Variants in STPG2 observed in about 807,000 individuals in gnomAD.
STPG2 encodes sperm-tail PG-rich repeat-containing protein 2.
A neutral mutation model predicts 54.2 loss-of-function variants in STPG2; 56 were observed. The ratio of observed to expected loss-of-function variants is 1.03; its 90% confidence interval spans 0.83 to 1.29. The LOEUF (loss-of-function observed/expected upper bound fraction) is 1.29, where lower values mean the gene tolerates loss of function less well. Among genes scored for constraint, STPG2 ranks in the 50% most tolerant of loss-of-function variants. STPG2 has a pLI of 0.00. For missense variants in STPG2, 596 were observed against 544.9 expected, an observed-to-expected ratio of 1.09 and a Z score of -0.93; for synonymous variants, 200 against 181.8, an observed-to-expected ratio of 1.10 and a Z score of -0.81.
At chr4:97,470,663 T>C (rs1170531762) in intron 4 of STPG2, among the ~76,000 whole-genome samples, 1 of 152,106 alleles carries the variant, frequency 6.6e-6, no homozygotes, top group Non-Finnish European at 1.5e-5. Context: ...TATAATGAAA[T>C]ACTGTAATAA....
intron 8 of STPG2, among the ~76,000 whole-genome samples, chr4:97,934,921 A>T (rs953554161): frequency 1.3e-5 from 2 of 152,206 alleles, no homozygotes; most frequent in African/African-American, 4.8e-5. Context: ...GAATTGTTTT[A>T]GAAGAAATGG....
At chr4:97,689,685 CTAAA>C (rs1177477822) in intron 10 of STPG2, among the ~76,000 whole-genome samples, 2 of 152,038 alleles carry the variant, frequency 1.3e-5, no homozygotes, top group Non-Finnish European at 2.9e-5. Flanking sequence ...TAGAAATGTT[CTAAA>C]TAAACTGTTC....
intron 10 of STPG2, among the ~76,000 whole-genome samples, chr4:97,672,034 T>C (rs1460704283): frequency 6.6e-6 from 1 of 152,010 alleles, no homozygotes; most frequent in Non-Finnish European, 1.5e-5. Flanking sequence ...CTATACTACA[T>C]GCCAGACACT....
At chr4:97,848,370 T>A (rs1030749058) in intron 8 of STPG2, among the ~76,000 whole-genome samples, 8 of 152,192 alleles carry the variant, frequency 5.3e-5, no homozygotes, top group Non-Finnish European at 4.4e-5. Flanking sequence ...AGCTGTCCGA[T>A]GAGAAGGAAG....
At chr4:97,621,633 T>C (rs1734013399) in intron 10 of STPG2, among the ~76,000 whole-genome samples, 1 of 152,066 alleles carries the variant, frequency 6.6e-6, no homozygotes, top group Non-Finnish European at 1.5e-5. Flanking sequence ...AAATCAGTAA[T>C]AAAAAGCCTA....
At chr4:98,093,081 G>A (rs919446216) in intron 5 of STPG2, among the ~76,000 whole-genome samples, 1 of 152,226 alleles carries the variant, frequency 6.6e-6, no homozygotes, top group Non-Finnish European at 1.5e-5. Flanking sequence ...CTAATACAAA[G>A]CTAACACAGC....
rs181444026 is a variant in STPG2, at chr4:98,010,903, A to G, written c.613-29585T>C. 1.5e-3 allele frequency among the ~76,000 whole-genome samples: 235 copies of G among 152,316 alleles called. 1 individual carries two copies. The highest frequency in any genetic ancestry group is 5.6e-3 in the African/African-American group (232 of 41,578). On this transcript the variant is annotated intron_variant, in intron 5 of 10. Coordinates refer to ENST00000295268, the MANE Select transcript of STPG2 (RefSeq NM_174952.3). ...AACTTCAACTGCATATAAAAATTCAATATTTTAAGTTATCCTACCCCCACA... is the reference window on the plus strand; with the variant it reads ...AACTTCAACTGCATATAAAAATTCAGTATTTTAAGTTATCCTACCCCCACA...
intron 9 of STPG2, among the ~76,000 whole-genome samples, chr4:97,830,928 A>G (rs749878570): frequency 6.6e-6 from 1 of 152,162 alleles, no homozygotes; most frequent in African/African-American, 2.4e-5. Context: ...ATAGTGGGAG[A>G]CTTTAACACC....
chr4:97,764,975 T>C (rs1199472042), intron 9 of STPG2, among the ~76,000 whole-genome samples: 2 of 152,130 alleles, frequency 1.3e-5, no homozygotes, highest in African/African-American at 4.8e-5. Context: ...AAGTTAGTTT[T>C]AATATCAATA....
At chr4:97,465,607 T>C (rs559296886) in intron 4 of STPG2, among the ~76,000 whole-genome samples, 2 of 152,236 alleles carry the variant, frequency 1.3e-5, no homozygotes, top group African/African-American at 4.8e-5. Flanking sequence ...GGAACCCCAG[T>C]GCATACCAAA....
At chr4:97,590,642 C>CTG (rs1733120479) in intron 10 of STPG2, among the ~76,000 whole-genome samples, 1 of 146,680 alleles carries the variant, frequency 6.8e-6, no homozygotes, top group African/African-American at 2.6e-5. Context: ...CACACAGACA[C>CTG]ACACACACAC....
intron 10 of STPG2, among the ~76,000 whole-genome samples, chr4:97,639,972 C>T (rs1302648686): frequency 6.6e-6 from 1 of 151,708 alleles, no homozygotes; most frequent in Non-Finnish European, 1.5e-5. Context: ...TTGTAGCAAC[C>T]GTATGAGATA....
chr4:97,492,630 A>G (rs1730525686), intron 4 of STPG2, among the ~76,000 whole-genome samples: 1 of 144,922 alleles, frequency 6.9e-6, no homozygotes, highest in South Asian at 2.1e-4. Context: ...TTGAATGCTC[A>G]TTCAATGATA....
intron 8 of STPG2, among the ~76,000 whole-genome samples, chr4:97,922,260 CAT>C (rs143256508): frequency 2.0e-5 from 3 of 150,674 alleles, no homozygotes; most frequent in Non-Finnish European, 3.0e-5. Context: ...CATTGTATGT[CAT>C]ATATATATAT....
intron 10 of STPG2, among the ~76,000 whole-genome samples, chr4:97,579,017 T>A (rs189005717): frequency 6.6e-6 from 1 of 152,228 alleles, no homozygotes; most frequent in African/African-American, 2.4e-5. Context: ...AAATCACTCA[T>A]CTGTTTTCAG....
intron 5 of STPG2, among the ~76,000 whole-genome samples, chr4:98,021,947 C>A (rs1490452744): frequency 1.3e-5 from 2 of 152,020 alleles, no homozygotes; most frequent in African/African-American, 2.4e-5. Context: ...ATACAACACA[C>A]TGATGGGTCT....
intron 10 of STPG2, among the ~76,000 whole-genome samples, chr4:97,580,149 A>G (rs1732827257): frequency 1.3e-5 from 2 of 152,012 alleles, no homozygotes; most frequent in African/African-American, 4.8e-5. Context: ...TTATTACACT[A>G]TAAGAATTAG....
downstream of STPG2, among the ~76,000 whole-genome samples, chr4:97,556,511 C>G (rs1014242759): frequency 6.6e-6 from 1 of 152,120 alleles, no homozygotes; most frequent in Non-Finnish European, 1.5e-5. Flanking sequence ...GAACCAGGCA[C>G]TAAAAGGAGA....
At chr4:97,443,342 T>C (rs1184406828) in intron 4 of STPG2, among the ~76,000 whole-genome samples, 1 of 152,090 alleles carries the variant, frequency 6.6e-6, no homozygotes, top group African/African-American at 2.4e-5. Flanking sequence ...AGAAACTAAA[T>C]TACAAAGAAA....
Sources: allele counts gnomAD v4.1 joint callset (sites outside exome capture counted in the v4.1 genomes callset), GRCh38; gene constraint gnomAD v4.1.1; transcripts MANE v1.5; gene names NCBI Gene and HGNC (gene_info 2026-07-23, HGNC 2026-07-21).